The following SCN9A variants were observed in gnomAD, a reference collection of about 807,000 sequenced individuals.
SCN9A encodes sodium voltage-gated channel alpha subunit 9, also known as sodium channel protein type 9 subunit alpha.
Under a neutral mutation model 187.0 loss-of-function variants are expected in SCN9A, and 131 were observed. The observed-to-expected ratio is 0.70, with a 90% CI of 0.61 to 0.81. The LOEUF (loss-of-function observed/expected upper bound fraction) is 0.81, where lower values mean the gene tolerates loss of function less well. SCN9A is among the 30% of genes least tolerant of loss of function. SCN9A has a pLI of 0.00. For missense variants in SCN9A, 2,252 were observed against 2,396.6 expected (o/e 0.94, Z 1.26); for synonymous variants, 809 against 808.6 (o/e 1.00, Z -0.01).
At chr2:166,270,423 G>A (rs1696923698) in intron 17 of SCN9A, among the ~76,000 whole-genome samples, 1 of 151,492 alleles carries the variant, frequency 6.6e-6, no homozygotes, top group East Asian at 2.0e-4. Context: ...TCTGTGGGGG[G>A]CCTTCAAACT....
At chr2:166,237,168 A>T (rs561817028) in intron 20 of SCN9A, among the ~76,000 whole-genome samples, 10 of 151,530 alleles carry the variant, frequency 6.6e-5, no homozygotes, top group African/African-American at 2.4e-4. Context: ...AATACAAAAT[A>T]TGTCATATAT....
rs1457409288 is a variant in SCN9A at position 166,198,249 on chromosome 2, C to G, written c.*423G>C. 6.4e-6 allele frequency: 1 copy of G among 157,336 alleles called. No homozygotes were observed. Among genetic ancestry groups the G allele is most frequent in the African/African-American group, 2.5e-5 (1 of 40,046 alleles). 9.7% of individuals were successfully genotyped at this position (157,336 alleles called of 1,614,324 possible). On this transcript the variant is annotated 3_prime_UTR_variant, in exon 27 of 27. Transcript: ENST00000642356. ...TTCTATCAAGCATTTCATTGCAAAG[C>G]CAAGGCAAATACTTTTGTTGATTTC... is the stretch of plus-strand genomic sequence containing the variant.
At position 166,277,047 on chromosome 2, in the gene SCN9A, T is replaced by A. The variant is rs753033532; in HGVS notation, c.2810A>T (p.Glu937Val). 1 of 1,614,002 alleles carries A rather than the reference T, an allele frequency of 6.2e-7. No homozygotes were observed. The highest frequency in any genetic ancestry group is 8.5e-7 in the Non-Finnish European group (1 of 1,179,968). The change falls in exon 16 of 27, where the codon GAG becomes GTG. Residue 937 changes from glutamate to valine, a missense_variant. Physicochemically the swap from Glu to Val is moderately radical, Grantham distance 121. Transcript: ENST00000642356. ...EWIETMWDCM[E>V]VAGQAMCLIV... ...AAGGCACATAGCTTGACCAGCGACC[T>A]CCATACAGTCCCACATGGTCTCTAT...
At chr2:166,292,103 G>A (rs1698100006) in intron 9 of SCN9A, among the ~76,000 whole-genome samples, 1 of 152,106 alleles carries the variant, frequency 6.6e-6, no homozygotes, top group South Asian at 2.1e-4. Flanking sequence ...CTTCTGCACA[G>A]CAAAAGAAAC....
Position 166,198,762 on chromosome 2 carries a change from A to G in SCN9A, c.5877T>C (p.Asp1959=), listed in dbSNP as rs1445975035. 6.2e-7 allele frequency: 1 copy of G among 1,613,454 alleles called. No homozygotes were observed. Among genetic ancestry groups the G allele is most frequent in the Non-Finnish European group, 8.5e-7 (1 of 1,179,592 alleles). ...TCTCTTTGTCTGGCTTTGTTACACT[A>G]TCATATGAAGGTGGAGAGGTGGTGG... ...TSSTTSPPSY[D]SVTKPDKEKY... The change falls in exon 27 of 27, where the codon GAT becomes GAC. Residue 1959 remains aspartate (D), a synonymous_variant. Coordinates refer to ENST00000642356, the MANE Select transcript of SCN9A (RefSeq NM_001365536.1).
chr2:166,244,690 T>G (rs115296829), intron 18 of SCN9A, among the ~76,000 whole-genome samples: 9,997 of 152,092 alleles, frequency 0.066, 381 homozygotes, highest in Non-Finnish European at 0.09. Flanking sequence ...CAACTCTTCT[T>G]TCTGGATGCT....
chr2:166,203,520 C>T (rs1453730810), intron 26 of SCN9A, among the ~76,000 whole-genome samples: 1 of 151,880 alleles, frequency 6.6e-6, no homozygotes, highest in Admixed American at 6.6e-5. Context: ...ATCTTAACTT[C>T]ACTTTAAATT....
At position 166,269,325 on chromosome 2, in the gene SCN9A, C is replaced by T. The variant is rs537408010; in HGVS notation, c.3351+3074G>A. Among the ~76,000 whole-genome samples, 46 of 152,112 alleles carry T rather than the reference C, an allele frequency of 3.0e-4. No homozygotes were observed. In the South Asian group the frequency reaches 6.2e-3, roughly 21 times the overall value. On this transcript the variant is annotated intron_variant, in intron 17 of 26. Transcript: ENST00000642356. ...ATCACTAGTTATAAAAGATAGCTAA[C>T]CATTATGACAACACACCTTCATCTG... is the stretch of plus-strand genomic sequence containing the variant.
chr2:166,290,384 G>C (rs915611776), intron 9 of SCN9A, among the ~76,000 whole-genome samples: 1 of 152,104 alleles, frequency 6.6e-6, no homozygotes, highest in Non-Finnish European at 1.5e-5. Context: ...ACATATGTGT[G>C]CATGTGTCTT....
chr2:166,373,456 T>C (rs1700612798), intron 1 of SCN9A, among the ~76,000 whole-genome samples: 1 of 152,076 alleles, frequency 6.6e-6, no homozygotes, highest in African/African-American at 2.4e-5. Flanking sequence ...GGATTCCAAG[T>C]AAATTATGAT....
At chr2:166,328,588 A>C (rs1454145960) in intron 1 of SCN9A, among the ~76,000 whole-genome samples, 1 of 152,184 alleles carries the variant, frequency 6.6e-6, no homozygotes, top group Non-Finnish European at 1.5e-5. Context: ...AGTTGAGAGA[A>C]TTAATCATTG....
At chr2:166,215,956 A>G (rs1043974746) in intron 24 of SCN9A, among the ~76,000 whole-genome samples, 3 of 152,088 alleles carry the variant, frequency 2.0e-5, no homozygotes, top group Non-Finnish European at 4.4e-5. Flanking sequence ...GCAGGCCAAT[A>G]TTCTTGATGA....
rs763608389 is a variant in SCN9A at position 166,303,341 on chromosome 2, G to T, written c.689-39C>A. The T allele has an allele frequency of 3.9e-6, 6 of 1,519,868 alleles. No homozygotes were observed. The East Asian group carries it at 1.1e-4, about 29-fold the overall frequency. 94.1% of individuals were successfully genotyped at this position (1,519,868 alleles called of 1,614,324 possible). A position where few individuals can be genotyped will look rare whatever the true frequency, so the allele number is the denominator to read the frequency against. On this transcript the variant is annotated intron_variant, in intron 6 of 26. Transcript: ENST00000642356. ...AAAAAAGTGTTTGTAATGACATAAA[G>T]CCTCTGAATCGAAACAAAAAACACA...
intron 1 of SCN9A, among the ~76,000 whole-genome samples, chr2:166,334,032 G>T (rs1259714849): frequency 6.6e-6 from 1 of 152,048 alleles, no homozygotes; most frequent in Non-Finnish European, 1.5e-5. Context: ...ATTGCTAAAA[G>T]ATATGGAATG....
chr2:166,323,778 A>G (rs1664416302), intron 1 of SCN9A, among the ~76,000 whole-genome samples: 1 of 151,978 alleles, frequency 6.6e-6, no homozygotes, highest in Admixed American at 6.6e-5. Flanking sequence ...GTAATAATTA[A>G]TGTTTATCTT....
intron 21 of SCN9A, among the ~76,000 whole-genome samples, chr2:166,229,626 G>T (rs559997890): frequency 6.6e-6 from 1 of 151,990 alleles, no homozygotes; most frequent in African/African-American, 2.4e-5. Flanking sequence ...AAGAGCAATC[G>T]TTTTAAATTT....
At chr2:166,333,297 G>A (rs1347435875) in intron 1 of SCN9A, among the ~76,000 whole-genome samples, 2 of 152,090 alleles carry the variant, frequency 1.3e-5, no homozygotes, top group Non-Finnish European at 2.9e-5. Context: ...TGATCAGTAT[G>A]TAAATTAGAG....
Position 166,272,603 on chromosome 2 carries a change from A to AC in SCN9A, c.3146dup (p.His1050SerfsTer9). The AC allele has an allele frequency of 6.2e-7, 1 of 1,613,374 alleles. No homozygotes were observed. Among genetic ancestry groups the AC allele is most frequent in the Non-Finnish European group, 8.5e-7 (1 of 1,179,718 alleles). Reference sequence around the variant, plus strand: ...TATCTTTTTCCTTGAGGAAATTGTGACCTTTGCTCATTTCAGCAAGTGTAT... The same window carrying AC: ...TATCTTTTTCCTTGAGGAAATTGTGACCCTTTGCTCATTTCAGCAAGTGTAT... On this transcript the variant is annotated frameshift_variant, in exon 17 of 27. Coordinates refer to ENST00000642356, the MANE Select transcript of SCN9A (RefSeq NM_001365536.1). LOFTEE classifies it high-confidence loss of function.
At chr2:166,256,333 A>G (rs943049984) in intron 17 of SCN9A, among the ~76,000 whole-genome samples, 1 of 151,056 alleles carries the variant, frequency 6.6e-6, no homozygotes, top group Admixed American at 6.6e-5. Flanking sequence ...TGAGGTCTCT[A>G]CAATCTTTTT....
Sources: gnomAD v4.1 joint callset for allele counts (sites outside exome capture counted in the v4.1 genomes callset) on GRCh38, gnomAD v4.1.1 for gene constraint, MANE v1.5 for transcripts, NCBI Gene and HGNC (gene_info 2026-07-23, HGNC 2026-07-21) for gene names.